TPST2: variants seen among roughly 807,000 people sequenced by gnomAD.
The protein encoded by TPST2 is protein-tyrosine sulfotransferase 2.
In TPST2, 16 loss-of-function variants were observed where a neutral mutation model predicts 27.8. The observed-to-expected ratio is 0.58, with a 90% CI of 0.39 to 0.88. The LOEUF (loss-of-function observed/expected upper bound fraction) is 0.88. Among genes scored for constraint, TPST2 ranks in the 40% least tolerant of loss-of-function variants. The probability of loss-of-function intolerance (pLI) is 0.00; values close to 1 mark genes in which losing one functional copy is unlikely to be tolerated. For synonymous variants in TPST2, 229 were observed against 231.7 expected, an observed-to-expected ratio of 0.99 and a Z score of 0.10; for missense variants, 464 against 543.1, an observed-to-expected ratio of 0.85 and a Z score of 1.45.
chr22:26,554,000 A>G (rs1305937150), intron 1 of TPST2, among the ~76,000 whole-genome samples: 1 of 152,140 alleles, frequency 6.6e-6, no homozygotes, highest in Non-Finnish European at 1.5e-5. Context: ...GAAGACGGAC[A>G]GCCAACAATA....
chr22:26,557,513 GA>G (rs1475256150), intron 1 of TPST2, among the ~76,000 whole-genome samples: 1 of 152,190 alleles, frequency 6.6e-6, no homozygotes, highest in African/African-American at 2.4e-5. Flanking sequence ...CTACCGATGA[GA>G]AATCAGCAGT....
Position 26,530,831 on chromosome 22 carries a change from G to A in TPST2, c.1092+1864C>T, listed in dbSNP as rs563538158. On this transcript the variant is annotated intron_variant, in intron 5 of 6. Transcript: ENST00000338754. ...TCGAGACCAGCCTGGCCAACATGGC[G>A]AAACCCCTTTCTACTAAAAATACAA... Among the ~76,000 whole-genome samples the A allele has an allele frequency of 3.9e-5, 6 of 152,120 alleles. No individual in the cohort carries two copies. In the East Asian group the frequency reaches 1.2e-3, roughly 29 times the overall value.
intron 1 of TPST2, among the ~76,000 whole-genome samples, chr22:26,568,786 T>G (rs979069481): frequency 6.6e-6 from 1 of 152,210 alleles, no homozygotes; most frequent in South Asian, 2.1e-4. Context: ...TGGGAGGCTC[T>G]GTCTATGCAG....
intron 1 of TPST2, among the ~76,000 whole-genome samples, chr22:26,570,635 G>A (rs927414746): frequency 6.6e-5 from 10 of 151,348 alleles, no homozygotes; most frequent in Non-Finnish European, 1.3e-4. Flanking sequence ...TTGTCATCTT[G>A]AACCCAAATC....
chr22:26,569,098 C>T (rs1344670459), intron 1 of TPST2, among the ~76,000 whole-genome samples: 5 of 152,050 alleles, frequency 3.3e-5, no homozygotes, highest in African/African-American at 7.2e-5. Context: ...CTCCTGACTT[C>T]GTGATCCGCC....
chr22:26,525,373 CCAGG>C lies in TPST2; in HGVS notation c.*898_*901del, dbSNP rs1308221020. 6.6e-6 allele frequency: 1 copy of C among 152,214 alleles called. No homozygotes were observed. The allele number at this position is 152,214 out of a possible 1,614,324, so 9.4% of individuals were successfully genotyped here. ...GGATTACAGGTGCACACCACCACGC[CCAGG>C]TAATTTTTGTATTTTTAGTAGAGAC... On this transcript the variant is annotated 3_prime_UTR_variant, in exon 7 of 7. Transcript: ENST00000338754.
rs1258689584 is a variant in TPST2, at chr22:26,523,982, A to C, written c.*2293T>G. ...AAGGTAACTCCTGGAACCAGACATAAATTTTTTTTTTGGGGTGTGTGGTGA... is the reference window on the plus strand; with the variant it reads ...AAGGTAACTCCTGGAACCAGACATACATTTTTTTTTTGGGGTGTGTGGTGA... On this transcript the variant is annotated 3_prime_UTR_variant, in exon 7 of 7. Coordinates refer to ENST00000338754, the MANE Select transcript of TPST2 (RefSeq NM_003595.5). The C allele has an allele frequency of 6.7e-6, 1 of 150,218 alleles. No individual in the cohort carries two copies. The highest frequency in any genetic ancestry group is 6.7e-5 in the Admixed American group (1 of 14,982). 9.3% of individuals were successfully genotyped at this position (150,218 alleles called of 1,614,324 possible). A position where few individuals can be genotyped will look rare whatever the true frequency, so the allele number is the denominator to read the frequency against.
chr22:26,530,467 T>C (rs912433401), intron 5 of TPST2, among the ~76,000 whole-genome samples: 6 of 152,122 alleles, frequency 3.9e-5, no homozygotes, highest in Non-Finnish European at 8.8e-5. Context: ...CATCACATCC[T>C]GATTCTGCCT....
intron 1 of TPST2, among the ~76,000 whole-genome samples, chr22:26,577,967 T>C (rs1453564866): frequency 6.6e-6 from 1 of 152,052 alleles, no homozygotes; most frequent in African/African-American, 2.4e-5. Flanking sequence ...TTTCATTTCT[T>C]AGATCTCACC....
chr22:26,568,845 T>C (rs891692485), intron 1 of TPST2, among the ~76,000 whole-genome samples: 9 of 151,936 alleles, frequency 5.9e-5, no homozygotes, highest in African/African-American at 2.2e-4. Flanking sequence ...GCTTTCACTT[T>C]ATGAACTCAC....
chr22:26,586,858 C>T (rs1214096215), intron 1 of TPST2, among the ~76,000 whole-genome samples: 1 of 152,166 alleles, frequency 6.6e-6, no homozygotes, highest in Non-Finnish European at 1.5e-5. Flanking sequence ...GGTGCAGCCT[C>T]TTGCTGAAGC....
chr22:26,568,823 C>T (rs1315003835), intron 1 of TPST2, among the ~76,000 whole-genome samples: 1 of 151,794 alleles, frequency 6.6e-6, no homozygotes, highest in Non-Finnish European at 1.5e-5. Flanking sequence ...TGTTTACTTC[C>T]TTAGTAAACT....
At chr22:26,577,361 T>C (rs1327840485) in intron 1 of TPST2, among the ~76,000 whole-genome samples, 1 of 151,802 alleles carries the variant, frequency 6.6e-6, no homozygotes, top group Non-Finnish European at 1.5e-5. Context: ...CTTTTTTTTT[T>C]TGAGACAAGG....
intron 1 of TPST2, among the ~76,000 whole-genome samples, chr22:26,564,726 C>G (rs2068892250): frequency 6.6e-6 from 1 of 152,224 alleles, no homozygotes. Context: ...CAGCAGCTGA[C>G]TGGCACTGTT....
chr22:26,555,341 G>A (rs1926733699), intron 1 of TPST2: 2 of 499,970 alleles, frequency 4.0e-6, no homozygotes, highest in Non-Finnish European at 8.0e-6. Flanking sequence ...CCAGGCTCAG[G>A]AATGCAATCA....
chr22:26,559,771 G>A (rs1416198678), intron 1 of TPST2, among the ~76,000 whole-genome samples: 1 of 152,104 alleles, frequency 6.6e-6, no homozygotes, highest in African/African-American at 2.4e-5. Context: ...ATCCCCTGCT[G>A]CCTAGGGCTC....
At chr22:26,571,949 C>A (rs1044618336) in intron 1 of TPST2, among the ~76,000 whole-genome samples, 1 of 152,184 alleles carries the variant, frequency 6.6e-6, no homozygotes, top group Admixed American at 6.5e-5. Flanking sequence ...CCCTGCCTGT[C>A]CCCATATGGT....
In TPST2 at chr22:26,541,868, T is replaced by A; in HGVS notation, c.-88-150A>T. ...AGCACTAGCTGTGTGCCTGGCACCC[T>A]GCTGGGCACTTTTTTCAATTTTTTT... On this transcript the variant is annotated intron_variant, in intron 2 of 6. Coordinates refer to ENST00000338754, the MANE Select transcript of TPST2 (RefSeq NM_003595.5). This position sits in a 1 kb window ranked among gnomAD's most constrained non-coding sequence, Gnocchi z 5.9. 2 of 772,302 alleles carry A rather than the reference T, an allele frequency of 2.6e-6. No homozygotes were observed. Among genetic ancestry groups the A allele is most frequent in the South Asian group, 4.6e-5 (2 of 43,314 alleles). 47.8% of individuals were successfully genotyped at this position (772,302 alleles called of 1,614,324 possible).
chr22:26,572,594 T>C (rs553044475), intron 1 of TPST2, among the ~76,000 whole-genome samples: 1 of 152,242 alleles, frequency 6.6e-6, no homozygotes, highest in African/African-American at 2.4e-5. Context: ...TCAGCTAAAG[T>C]ATCTCCTTCT....
Sources: allele counts gnomAD v4.1 joint callset (sites outside exome capture counted in the v4.1 genomes callset), GRCh38; gene constraint gnomAD v4.1.1; non-coding constraint Gnocchi (gnomAD v3.1); transcripts MANE v1.5; gene names NCBI Gene and HGNC (gene_info 2026-07-23, HGNC 2026-07-21).